The following ZNF704 variants were observed in gnomAD, a reference collection of about 807,000 sequenced individuals.
ZNF704 encodes the protein zinc finger protein 704.
ZNF704 carries 10 observed loss-of-function variants against 44.7 expected under a neutral mutation model. The ratio of observed to expected loss-of-function variants is 0.22; its 90% CI spans 0.14 to 0.38. The LOEUF (loss-of-function observed/expected upper bound fraction) is 0.38. Among genes scored for constraint, ZNF704 ranks in the 10% least tolerant of loss-of-function variants. The pLI, the probability that ZNF704 is intolerant of heterozygous loss-of-function variation, is 1.00. For synonymous variants in ZNF704, 211 were observed against 207.6 expected, an observed-to-expected ratio of 1.02 and a Z score of -0.14; for missense variants, 390 against 545.5, an observed-to-expected ratio of 0.71 and a Z score of 2.84.
chr8:80,884,369 C>T, the ZNF704 span, among the ~76,000 whole-genome samples: 1 of 152,126 alleles, frequency 6.6e-6, no homozygotes, highest in African/African-American at 2.4e-5. Context: ...CTGCTTGTCC[C>T]ACCACCTCCT....
In ZNF704 at chr8:80,641,219, T is replaced by A; in HGVS notation, c.*147A>T. 2.1e-6 allele frequency: 1 copy of A among 485,938 alleles called. No homozygotes were observed. Among genetic ancestry groups the A allele is most frequent in the Non-Finnish European group, 3.6e-6 (1 of 277,974 alleles). The allele number at this position is 485,938 out of a possible 1,614,324, so 30.1% of individuals were successfully genotyped here. ...TGACTTAAACAATTTTTCTGTGTTT[T>A]TGCTGTTATTCCTCCAAGGTTCCTG... is the stretch of plus-strand genomic sequence containing the variant. On this transcript the variant is annotated 3_prime_UTR_variant, in exon 9 of 9. Coordinates refer to ENST00000327835, the MANE Select transcript of ZNF704 (RefSeq NM_001033723.3).
At chr8:80,645,643 G>A (rs533050117) in intron 7 of ZNF704, among the ~76,000 whole-genome samples, 4 of 152,158 alleles carry the variant, frequency 2.6e-5, no homozygotes, top group African/African-American at 9.6e-5. Context: ...CATACATGAC[G>A]TGCCTGCTCC....
chr8:80,724,908 C>A (rs1429637261), intron 2 of ZNF704, among the ~76,000 whole-genome samples: 7 of 152,164 alleles, frequency 4.6e-5, no homozygotes, highest in African/African-American at 1.4e-4. Context: ...TAAAATCATG[C>A]CATTCCAGGT....
At chr8:80,765,492 T>C (rs79676340) in intron 2 of ZNF704, among the ~76,000 whole-genome samples, 9,599 of 152,274 alleles carry the variant, frequency 0.063, 329 homozygotes, top group Non-Finnish European at 0.079. Flanking sequence ...CCTTATGCCA[T>C]AGTTAATTTC....
At chr8:80,862,746 C>A (rs1471039935) in intron 1 of ZNF704, among the ~76,000 whole-genome samples, 2 of 110,078 alleles carry the variant, frequency 1.8e-5, no homozygotes, top group Non-Finnish European at 3.3e-5. Context: ...GCCTGGGCAA[C>A]AGAGTGAGAC....
At chr8:80,826,081 C>A (rs1398250585) in intron 1 of ZNF704, among the ~76,000 whole-genome samples, 3 of 151,950 alleles carry the variant, frequency 2.0e-5, no homozygotes, top group Non-Finnish European at 2.9e-5. Context: ...AAGATCAGAG[C>A]AGAACTGAAA....
chr8:80,675,900 AGCCCATCTAGGGAAAAAT>A (rs1247801115), intron 4 of ZNF704, among the ~76,000 whole-genome samples: 1 of 152,196 alleles, frequency 6.6e-6, no homozygotes, highest in African/African-American at 2.4e-5. Flanking sequence ...GGTGTGGATG[AGCCCATCTAGGGAAAAAT>A]GCAGTTAGAG....
chr8:80,831,281 T>G (rs1252381593), intron 1 of ZNF704, among the ~76,000 whole-genome samples: 3 of 152,206 alleles, frequency 2.0e-5, no homozygotes, highest in Non-Finnish European at 4.4e-5. Flanking sequence ...GAGGCTTCCT[T>G]ACTTTGGATG....
intron 2 of ZNF704, among the ~76,000 whole-genome samples, chr8:80,764,320 A>T (rs1343568482): frequency 6.6e-6 from 1 of 152,222 alleles, no homozygotes. Flanking sequence ...GGAAACTTAG[A>T]GTCATGGTGG....
intron 2 of ZNF704, among the ~76,000 whole-genome samples, chr8:80,761,014 A>T (rs1362632006): frequency 6.6e-6 from 1 of 152,066 alleles, no homozygotes; most frequent in Non-Finnish European, 1.5e-5. Flanking sequence ...GTCACCTCCC[A>T]CCAGGCCCCA....
chr8:80,842,042 T>C (rs1808689704), intron 1 of ZNF704, among the ~76,000 whole-genome samples: 1 of 152,222 alleles, frequency 6.6e-6, no homozygotes, highest in Non-Finnish European at 1.5e-5. Flanking sequence ...AATGATCCTC[T>C]TGCCTCTGCC....
At chr8:80,646,092 C>T (rs1409038587) in intron 7 of ZNF704, among the ~76,000 whole-genome samples, 2 of 152,216 alleles carry the variant, frequency 1.3e-5, no homozygotes, top group Non-Finnish European at 2.9e-5. Flanking sequence ...ACTTCCCCGC[C>T]TCCAGGTTGT....
rs534103673 is a variant in ZNF704, at chr8:80,853,569, A to G, written c.-22+21002T>C. ...ATGGAGGAAAAAAAAATTAAAAAAA[A>G]GACAACGAAACTATAGAAATCAAGA... On this transcript the variant is annotated intron_variant, in intron 1 of 8. Transcript: ENST00000327835. 4.6e-5 allele frequency among the ~76,000 whole-genome samples: 7 copies of G among 152,342 alleles called. No homozygotes were observed. The South Asian group carries it at 1.2e-3, about 27-fold the overall frequency.
intron 4 of ZNF704, among the ~76,000 whole-genome samples, chr8:80,672,330 T>C (rs1818295031): frequency 6.6e-6 from 1 of 152,200 alleles, no homozygotes; most frequent in South Asian, 2.1e-4. Flanking sequence ...GAGTGTGAAT[T>C]AGTTCAGCCA....
chr8:80,800,707 A>T (rs1319659950), intron 2 of ZNF704, among the ~76,000 whole-genome samples: 1 of 152,222 alleles, frequency 6.6e-6, no homozygotes, highest in Non-Finnish European at 1.5e-5. Flanking sequence ...CTACAAAAAC[A>T]CACTGAAGTA....
At chr8:80,643,246 A>G (rs1207510797) in intron 7 of ZNF704, 117 bp from the exon 8 acceptor site, 10 of 603,044 alleles carry the variant, frequency 1.7e-5, no homozygotes, top group Non-Finnish European at 2.7e-5. Context: ...GAGGCCAGGC[A>G]CGGTGATTCA....
At chr8:80,873,116 A>C (rs1809282446) in intron 1 of ZNF704, among the ~76,000 whole-genome samples, 2 of 152,190 alleles carry the variant, frequency 1.3e-5, no homozygotes, top group African/African-American at 4.8e-5. Context: ...ATAAGCTTGA[A>C]TAGCCCTCAA....
intron 2 of ZNF704, among the ~76,000 whole-genome samples, chr8:80,780,040 GT>G (rs2090068211): frequency 6.6e-6 from 1 of 152,048 alleles, no homozygotes. Flanking sequence ...AGATATCTGG[GT>G]GTTAGGTGAT....
Position 80,682,235 on chromosome 8 carries a change from CT to C in ZNF704, c.558+4990del, listed in dbSNP as rs1393704865. Among the ~76,000 whole-genome samples the C allele has an allele frequency of 3.9e-5, 6 of 152,302 alleles. No homozygotes were observed. The East Asian group carries it at 1.2e-3, about 29-fold the overall frequency. ...ATTCACAATTTAAAGTGATTCATAG[CT>C]TTTTGGCTCTGGAAGATTAAAAATA... is the stretch of plus-strand genomic sequence containing the variant. On this transcript the variant is annotated intron_variant, in intron 4 of 8. Transcript: ENST00000327835.
Sources: allele counts gnomAD v4.1 joint callset (sites outside exome capture counted in the v4.1 genomes callset), GRCh38; gene constraint gnomAD v4.1.1; transcripts MANE v1.5; gene names NCBI Gene and HGNC (gene_info 2026-07-23, HGNC 2026-07-21).